Variants in CHSY3 observed in about 807,000 individuals in gnomAD.
CHSY3 encodes the protein N-acetylgalactosaminyl-proteoglycan 3-beta-glucuronosyltransferase 3.
In CHSY3, 35 loss-of-function variants were observed where a neutral mutation model predicts 67.2. The observed-to-expected ratio is 0.52, with a 90% CI of 0.40 to 0.69. CHSY3 has a LOEUF of 0.69. Among genes scored for constraint, CHSY3 ranks in the 30% least tolerant of loss-of-function variants. The pLI is 0.00. For synonymous variants in CHSY3, 474 were observed against 434.7 expected (o/e 1.09, Z -1.12); for missense variants, 1,069 against 1,138.5 (o/e 0.94, Z 0.88).
At chr5:130,060,059 C>T (rs567580210) in intron 2 of CHSY3, among the ~76,000 whole-genome samples, 1 of 151,964 alleles carries the variant, frequency 6.6e-6, no homozygotes, top group South Asian at 2.1e-4. Flanking sequence ...TCCTCCCTAA[C>T]TCCTTCTGGA....
intron 2 of CHSY3, among the ~76,000 whole-genome samples, chr5:130,101,126 A>G (rs570957738): frequency 6.6e-6 from 1 of 152,342 alleles, no homozygotes; most frequent in South Asian, 2.1e-4. Context: ...TCAGTGGACT[A>G]TTTCTTCATA....
chr5:130,140,135 C>T (rs891856938), intron 2 of CHSY3: 15 of 223,334 alleles, frequency 6.7e-5, no homozygotes, highest in Non-Finnish European at 9.7e-5. Flanking sequence ...ATCAGGGAAG[C>T]GGAGCCACTC....
chr5:130,012,975 C>A (rs1256812268), intron 2 of CHSY3, among the ~76,000 whole-genome samples: 3 of 152,010 alleles, frequency 2.0e-5, no homozygotes, highest in African/African-American at 7.2e-5. Flanking sequence ...AAGTTTGTTA[C>A]ATCCTAGATA....
intron 2 of CHSY3, among the ~76,000 whole-genome samples, chr5:130,131,552 C>A (rs1184269136): frequency 2.6e-5 from 4 of 152,032 alleles, no homozygotes; most frequent in Non-Finnish European, 5.9e-5. Context: ...GTAAATACTA[C>A]TAATATAGTC....
At chr5:130,162,488 T>C (rs150028375) in intron 2 of CHSY3, among the ~76,000 whole-genome samples, 1 of 152,280 alleles carries the variant, frequency 6.6e-6, no homozygotes, top group East Asian at 1.9e-4. Flanking sequence ...CTAATATTCC[T>C]TTCTGTAAAG....
At chr5:130,165,128 G>A (rs1183324910) in intron 2 of CHSY3, among the ~76,000 whole-genome samples, 1 of 152,108 alleles carries the variant, frequency 6.6e-6, no homozygotes, top group Non-Finnish European at 1.5e-5. Context: ...ACAGAAGGGA[G>A]AGTCATATGA....
At chr5:129,951,209 T>C (rs1762014600) in intron 2 of CHSY3, among the ~76,000 whole-genome samples, 1 of 152,142 alleles carries the variant, frequency 6.6e-6, no homozygotes, top group African/African-American at 2.4e-5. Context: ...AAAGTGAAAT[T>C]GAATCCTTAT....
intron 2 of CHSY3, among the ~76,000 whole-genome samples, chr5:130,071,172 A>C (rs9327543): frequency 0.084 from 12,792 of 152,086 alleles, 1,758 homozygotes; most frequent in African/African-American, 0.29. Context: ...CTGCTGAGCT[A>C]CAGAGAGCTT....
intron 2 of CHSY3, among the ~76,000 whole-genome samples, chr5:129,925,133 G>A (rs1188015533): frequency 6.6e-6 from 1 of 152,198 alleles, no homozygotes; most frequent in African/African-American, 2.4e-5. Context: ...CCACTTCAGA[G>A]TATTTCACCA....
intron 2 of CHSY3, among the ~76,000 whole-genome samples, chr5:130,035,889 T>G (rs1446966445): frequency 3.6e-5 from 5 of 138,648 alleles, no homozygotes; most frequent in East Asian, 2.1e-4. Context: ...TTTGGTTGTT[T>G]TTTTTTTTTT....
chr5:130,159,531 T>G (rs1404033497), intron 2 of CHSY3, among the ~76,000 whole-genome samples: 4 of 152,240 alleles, frequency 2.6e-5, no homozygotes, highest in Admixed American at 6.5e-5. Flanking sequence ...AAATTTAGTT[T>G]TAAGCACTTT....
chr5:129,928,060 G>A (rs148130358), intron 2 of CHSY3, among the ~76,000 whole-genome samples: 31 of 151,832 alleles, frequency 2.0e-4, no homozygotes, highest in East Asian at 9.7e-4. Flanking sequence ...TTTTAAGTTC[G>A]GGAGTACATG....
intron 2 of CHSY3, among the ~76,000 whole-genome samples, chr5:129,917,794 A>T (rs1263545633): frequency 6.6e-6 from 1 of 152,120 alleles, no homozygotes; most frequent in Non-Finnish European, 1.5e-5. Context: ...TTTTCAATGG[A>T]CTTTGAAAAA....
At chr5:129,985,332 A>G (rs567130929) in intron 2 of CHSY3, among the ~76,000 whole-genome samples, 1 of 152,112 alleles carries the variant, frequency 6.6e-6, no homozygotes, top group South Asian at 2.1e-4. Flanking sequence ...TCAGATGGTT[A>G]TAGGTGCGTA....
intron 2 of CHSY3, among the ~76,000 whole-genome samples, chr5:130,003,892 G>T (rs969733225): frequency 6.6e-6 from 1 of 152,158 alleles, no homozygotes; most frequent in African/African-American, 2.4e-5. Flanking sequence ...CCCTTGTGAT[G>T]TCATGAATCA....
Position 129,904,777 on chromosome 5 carries a change from C to T in CHSY3, c.-53C>T, listed in dbSNP as rs550194260. The T allele has an allele frequency of 4.7e-4, 615 of 1,310,162 alleles. 4 individuals carry two copies. In the African/African-American group the frequency reaches 8.8e-3, roughly 19 times the overall value. 81.2% of individuals were successfully genotyped at this position (1,310,162 alleles called of 1,614,324 possible). A position where few individuals can be genotyped will look rare whatever the true frequency, so the allele number is the denominator to read the frequency against. ...GAGGGGCGGGTGTGAGCCGGGGAAA[C>T]CGCGTGCCGCGCCGCGACAGCCCAG... On this transcript the variant is annotated 5_prime_UTR_variant, in exon 1 of 3. Coordinates refer to ENST00000305031, the MANE Select transcript of CHSY3 (RefSeq NM_175856.5).
At chr5:130,018,214 A>C (rs908319212) in intron 2 of CHSY3, among the ~76,000 whole-genome samples, 1 of 152,212 alleles carries the variant, frequency 6.6e-6, no homozygotes, top group Non-Finnish European at 1.5e-5. Flanking sequence ...TTTTTACAAA[A>C]AAAGTCCTAT....
chr5:130,177,108 C>T (rs1001656580), intron 2 of CHSY3, among the ~76,000 whole-genome samples: 1 of 151,658 alleles, frequency 6.6e-6, no homozygotes, highest in Non-Finnish European at 1.5e-5. Context: ...CTTTCCTACA[C>T]AATCACACAT....
intron 2 of CHSY3, among the ~76,000 whole-genome samples, chr5:130,159,693 T>G (rs1769473925): frequency 6.6e-6 from 1 of 152,158 alleles, no homozygotes; most frequent in Admixed American, 6.5e-5. Context: ...TTTAAGCAAA[T>G]TAGCATATAT....
Sources: allele counts gnomAD v4.1 joint callset (sites outside exome capture counted in the v4.1 genomes callset), GRCh38; gene constraint gnomAD v4.1.1; transcripts MANE v1.5; gene names NCBI Gene and HGNC (gene_info 2026-07-23, HGNC 2026-07-21).